VRTN: variants seen among roughly 807,000 people sequenced by gnomAD.
The protein encoded by VRTN is vertnin.
VRTN carries 5 observed loss-of-function variants against 18.2 expected under a neutral mutation model. That is an observed-to-expected ratio of 0.27 (90% CI 0.14 to 0.58). VRTN has a LOEUF of 0.58. Among genes scored for constraint, VRTN ranks in the 20% least tolerant of loss-of-function variants. The pLI is 0.91. For missense variants in VRTN, 741 were observed against 939.4 expected (o/e 0.79, Z 2.76); for synonymous variants, 381 against 393.7 (o/e 0.97, Z 0.38).
chr14:74,303,730 C>T (rs1335869489), intron 1 of VRTN, among the ~76,000 whole-genome samples: 1 of 151,470 alleles, frequency 6.6e-6, no homozygotes, highest in African/African-American at 2.4e-5. Flanking sequence ...TCACTTTCCT[C>T]CAATCCTTAT....
chr14:74,354,586 G>A (rs1005744193), intron 1 of VRTN, among the ~76,000 whole-genome samples: 1 of 151,940 alleles, frequency 6.6e-6, no homozygotes, highest in Non-Finnish European at 1.5e-5. Flanking sequence ...TGTATTTTTA[G>A]TAGAGACGGG....
chr14:74,349,399 GGC>G, intron 1 of VRTN, among the ~76,000 whole-genome samples: 1 of 152,324 alleles, frequency 6.6e-6, no homozygotes, highest in South Asian at 2.1e-4. Context: ...AGAGAGGCAC[GGC>G]GCAAGGCTGG....
intron 1 of VRTN, among the ~76,000 whole-genome samples, chr14:74,323,855 T>C (rs2085470937): frequency 6.6e-6 from 1 of 152,158 alleles, no homozygotes; most frequent in Non-Finnish European, 1.5e-5. Context: ...CATGCAATAC[T>C]AAAAAATTAT....
chr14:74,349,364 G>A (rs1276411161), intron 1 of VRTN, among the ~76,000 whole-genome samples: 1 of 152,246 alleles, frequency 6.6e-6, no homozygotes, highest in Admixed American at 6.5e-5. Context: ...TCGGGCTGGT[G>A]TGGCCAGGGC....
At position 74,358,533 on chromosome 14, in the gene VRTN, G is replaced by T; in HGVS notation, c.1750G>T (p.Val584Leu). Residue 584 changes from valine to leucine, a missense_variant, in exon 2 of 2, where the codon GTG becomes TTG. Around this residue, in one of 3 missense-constraint regions of VRTN, gnomAD observed 494 missense variants for 546.5 expected, o/e 0.90. Coordinates refer to ENST00000256362, the MANE Select transcript of VRTN (RefSeq NM_018228.3). This position sits in a 1 kb window ranked among gnomAD's most constrained non-coding sequence, Gnocchi z 5.4. ...EKQEKEAGRD[V>L]TAVMAPPVGA... ...GCAGGAGAAGGAGGCTGGCAGGGAT[G>T]TGACAGCTGTGATGGCCCCACCTGT... The T allele has an allele frequency of 6.2e-7, 1 of 1,613,234 alleles. No homozygotes were observed. Among genetic ancestry groups the T allele is most frequent in the African/African-American group, 1.3e-5 (1 of 75,052 alleles).
chr14:74,357,388 T>G lies in VRTN; in HGVS notation c.605T>G (p.Phe202Cys), dbSNP rs1259650642. Residue 202 changes from phenylalanine (F) to cysteine (C), a missense_variant, in exon 2 of 2, where the codon TTC becomes TGC. Physicochemically the swap from Phe to Cys is radical, Grantham distance 205. Coordinates refer to ENST00000256362, the MANE Select transcript of VRTN (RefSeq NM_018228.3). This position sits in a 1 kb window ranked among gnomAD's most constrained non-coding sequence, Gnocchi z 7.8. ...PMRNLKIRPY[F>C]NRVIRPRRCD... Reference sequence around the variant, plus strand: ...CGCAACCTCAAGATCCGGCCCTACTTCAACCGTGTCATCCGGCCCCGCCGC... The same window carrying G: ...CGCAACCTCAAGATCCGGCCCTACTGCAACCGTGTCATCCGGCCCCGCCGC... The G allele has an allele frequency of 6.2e-7, 1 of 1,613,464 alleles. No homozygotes were observed. The highest frequency in any genetic ancestry group is 8.5e-7 in the Non-Finnish European group (1 of 1,180,014).
chr14:74,306,028 A>C (rs545608080), intron 1 of VRTN: 44 of 151,916 alleles, frequency 2.9e-4, no homozygotes, highest in African/African-American at 9.0e-4. Flanking sequence ...TATTTCTTTG[A>C]ATTTGGAGCA....
intron 1 of VRTN, among the ~76,000 whole-genome samples, chr14:74,323,374 A>C (rs2085468115): frequency 6.6e-6 from 1 of 152,096 alleles, no homozygotes; most frequent in African/African-American, 2.4e-5. Context: ...GCCTGAGGTC[A>C]GGAGTTTGAG....
intron 1 of VRTN, among the ~76,000 whole-genome samples, chr14:74,352,717 G>A (rs1160806921): frequency 6.6e-6 from 1 of 152,018 alleles, no homozygotes; most frequent in East Asian, 1.9e-4. Context: ...CTGGCCTTAA[G>A]CGTACAGTTT....
chr14:74,342,839 T>G lies in VRTN; in HGVS notation c.-2+4955T>G, dbSNP rs141827826. Among the ~76,000 whole-genome samples, 998 of 152,204 alleles carry G rather than the reference T, an allele frequency of 6.6e-3. 16 individuals carry two copies. Among genetic ancestry groups the G allele is most frequent in the African/African-American group, 0.023 (947 of 41,516 alleles). Reference sequence around the variant, plus strand: ...CTCACTGTGTTGCTCAAGCTGGTGTTGAACTCCTGGGCTCAAGTCCTCCTG... The same window carrying G: ...CTCACTGTGTTGCTCAAGCTGGTGTGGAACTCCTGGGCTCAAGTCCTCCTG... On this transcript the variant is annotated intron_variant, in intron 2 of 2. Transcript: ENST00000557177.
chr14:74,323,291 G>A (rs918080649), intron 1 of VRTN, among the ~76,000 whole-genome samples: 2 of 151,626 alleles, frequency 1.3e-5, no homozygotes, highest in African/African-American at 4.8e-5. Context: ...TTGTTAAAAA[G>A]TGCAGGTTCT....
At chr14:74,309,945 C>A (rs888992595) in intron 1 of VRTN, among the ~76,000 whole-genome samples, 5 of 151,956 alleles carry the variant, frequency 3.3e-5, no homozygotes, top group African/African-American at 1.2e-4. Flanking sequence ...AATATATTTA[C>A]CCAAAAGCAC....
intron 1 of VRTN, among the ~76,000 whole-genome samples, chr14:74,354,489 C>T (rs2085710026): frequency 6.6e-6 from 1 of 151,844 alleles, no homozygotes; most frequent in South Asian, 2.1e-4. Context: ...ACTGCAGCCT[C>T]TGCCTCCCGG....
intron 1 of VRTN, among the ~76,000 whole-genome samples, chr14:74,354,109 A>G (rs1293423756): frequency 2.0e-5 from 3 of 152,302 alleles, no homozygotes; most frequent in African/African-American, 7.2e-5. Context: ...CTACATTTTT[A>G]CATTTTACAT....
At chr14:74,307,794 G>T (rs886526448) in intron 1 of VRTN, among the ~76,000 whole-genome samples, 7 of 151,822 alleles carry the variant, frequency 4.6e-5, no homozygotes, top group African/African-American at 4.8e-5. Flanking sequence ...GCAGTGGCGC[G>T]ATCTTGGCTC....
At chr14:74,336,904 T>G (rs1161136714) in intron 1 of VRTN, among the ~76,000 whole-genome samples, 1 of 152,228 alleles carries the variant, frequency 6.6e-6, no homozygotes, top group East Asian at 1.9e-4. Flanking sequence ...CTTATCTAGA[T>G]GCTAACAACT....
intron 1 of VRTN, among the ~76,000 whole-genome samples, chr14:74,310,397 CAAAAAA>C (rs1204317705): frequency 3.4e-5 from 2 of 59,426 alleles, no homozygotes; most frequent in Non-Finnish European, 3.6e-5. Flanking sequence ...AACTCTGTCT[CAAAAAA>C]AAAAAAAAAA....
chr14:74,336,336 G>A (rs1340071112), intron 1 of VRTN, among the ~76,000 whole-genome samples: 2 of 152,006 alleles, frequency 1.3e-5, no homozygotes, highest in Non-Finnish European at 2.9e-5. Context: ...GAACCTGGGA[G>A]GCGGAGGTTG....
chr14:74,320,485 A>G (rs1339399618), intron 1 of VRTN, among the ~76,000 whole-genome samples: 1 of 137,900 alleles, frequency 7.3e-6, no homozygotes, highest in African/African-American at 2.7e-5. Flanking sequence ...GATGGTCTCG[A>G]TCTCCTGACC....
Sources: gnomAD v4.1 joint callset for allele counts (sites outside exome capture counted in the v4.1 genomes callset) on GRCh38, gnomAD v4.1.1 for gene constraint, gnomAD v4.1.1 regional missense constraint, Gnocchi (gnomAD v3.1) non-coding constraint, MANE v1.5 for transcripts, NCBI Gene and HGNC (gene_info 2026-07-23, HGNC 2026-07-21) for gene names.